Variants in RSPH6A observed in about 807,000 individuals in gnomAD.
RSPH6A encodes the protein radial spoke head 6 homolog A.
In RSPH6A, 49 loss-of-function variants were observed where a neutral mutation model predicts 66.1. The observed-to-expected ratio is 0.74, with a 90% CI of 0.59 to 0.94. RSPH6A has a LOEUF of 0.94. Among genes scored for constraint, RSPH6A ranks in the 40% least tolerant of loss-of-function variants. The probability of loss-of-function intolerance (pLI) is 0.00; values close to 1 mark genes in which losing one functional copy is unlikely to be tolerated. For synonymous variants in RSPH6A, 419 were observed against 402.4 expected (o/e 1.04, Z -0.49); for missense variants, 977 against 948.3 (o/e 1.03, Z -0.40).
chr19:45,811,119 G>A (rs1048732080), intron 1 of RSPH6A, among the ~76,000 whole-genome samples: 17 of 151,198 alleles, frequency 1.1e-4, no homozygotes, highest in Non-Finnish European at 1.9e-4. Flanking sequence ...TCAGCCTCCC[G>A]AGTAGCTGGG....
chr19:45,812,462 T>A (rs988980814), intron 1 of RSPH6A, among the ~76,000 whole-genome samples: 27 of 152,030 alleles, frequency 1.8e-4, no homozygotes, highest in African/African-American at 6.5e-4. Context: ...GCGGAAGCTG[T>A]TTTGTTGGCA....
intron 1 of RSPH6A, among the ~76,000 whole-genome samples, chr19:45,812,242 A>C (rs1230834140): frequency 6.6e-6 from 1 of 150,498 alleles, no homozygotes; most frequent in African/African-American, 2.4e-5. Flanking sequence ...ACGTGTGCCA[A>C]CATGCCTGGC....
rs1970694046 is a variant in RSPH6A, at chr19:45,815,265, A to C, written c.-89T>G. 5 of 1,369,072 alleles carry C rather than the reference A, an allele frequency of 3.7e-6. No individual in the cohort carries two copies. Among genetic ancestry groups the C allele is most frequent in the Non-Finnish European group, 4.8e-6 (5 of 1,034,048 alleles). The allele number at this position is 1,369,072 out of a possible 1,614,324, so 84.8% of individuals were successfully genotyped here. A position where few individuals can be genotyped will look rare whatever the true frequency, so the allele number is the denominator to read the frequency against. On this transcript the variant is annotated 5_prime_UTR_variant, in exon 1 of 6. Coordinates refer to ENST00000221538, the MANE Select transcript of RSPH6A (RefSeq NM_030785.4). ...CACCTGTCGACACCGCCGGTTTCTGAGCACCGAGAGAGGGGGCCGTTACCC... is the reference window on the plus strand; with the variant it reads ...CACCTGTCGACACCGCCGGTTTCTGCGCACCGAGAGAGGGGGCCGTTACCC...
At chr19:45,799,879 T>G (rs1187439335) in intron 5 of RSPH6A, among the ~76,000 whole-genome samples, 2 of 152,106 alleles carry the variant, frequency 1.3e-5, no homozygotes, top group Non-Finnish European at 2.9e-5. Context: ...AAATCTTGTC[T>G]CCACTAAAAA....
intron 2 of RSPH6A, among the ~76,000 whole-genome samples, chr19:45,806,716 G>A (rs111636667): frequency 3.1e-5 from 4 of 130,834 alleles, no homozygotes; most frequent in East Asian, 2.3e-4. Context: ...AAAGGAGGCC[G>A]GCCAAGTTTT....
chr19:45,814,770 G>T lies in RSPH6A; in HGVS notation c.407C>A (p.Pro136His). Residue 136 changes from proline (P) to histidine (H), a missense_variant, in exon 1 of 6, where the codon CCC becomes CAC. By Grantham distance (77) the Pro-to-His change is moderately conservative. Transcript: ENST00000221538. ...GTTGACTGGGGGCTCCTGGAAGGTG[G>T]GGTCCAGTTGCTGGAACAGGCTGCT... ...GQSSLFQQLDPTFQEPPVNPL... is the reference protein window; with the variant it reads ...GQSSLFQQLDHTFQEPPVNPL... 1 of 1,613,806 alleles carries T rather than the reference G, an allele frequency of 6.2e-7. No homozygotes were observed. The highest frequency in any genetic ancestry group is 8.5e-7 in the Non-Finnish European group (1 of 1,179,832).
At position 45,795,989 on chromosome 19, in the gene RSPH6A, C is replaced by T. The variant is rs974347290; in HGVS notation, c.2034G>A (p.Met678Ile). 6.2e-7 allele frequency: 1 copy of T among 1,613,802 alleles called. No individual in the cohort carries two copies. Among genetic ancestry groups the T allele is most frequent in the Middle Eastern group, 1.7e-4 (1 of 6,060 alleles). ...GCTCCTCTTCCACTGTGGGGTCACT[C>T]ATCTCCATGATCTCTGGGCCACTGG... Reference protein sequence around the residue: ...EYPSGPEIMEMSDPTVEEEQA... With the variant: ...EYPSGPEIMEISDPTVEEEQA... Residue 678 changes from methionine (M) to isoleucine (I), a missense_variant, in exon 6 of 6, where the codon ATG (methionine) becomes ATA (isoleucine). By Grantham distance (10) the Met-to-Ile change is conservative. Transcript: ENST00000221538.
rs775921437 is a variant in RSPH6A, at chr19:45,804,784, ACCT to A, written c.1118_1120del (p.Glu373del). 2 of 1,609,456 alleles carry A rather than the reference ACCT, an allele frequency of 1.2e-6. No individual in the cohort carries two copies. Among genetic ancestry groups the A allele is most frequent in the South Asian group, 1.1e-5 (1 of 90,830 alleles). On this transcript the variant is annotated inframe_deletion, in exon 3 of 6. Coordinates refer to ENST00000221538, the MANE Select transcript of RSPH6A (RefSeq NM_030785.4). The surrounding 1 kb of genome is among the most constrained non-coding windows in gnomAD (Gnocchi z 5.8). ...CTCGCCACCTTCCGTCATCTCCTCC[ACCT>A]CCTCCTCCTCTGCCTCCTCCTCGCC... is the stretch of plus-strand genomic sequence containing the variant.
At position 45,797,096 on chromosome 19, in the gene RSPH6A, G is replaced by A. The variant is rs1051995456; in HGVS notation, c.1917-990C>T. Reference sequence around the variant, plus strand: ...AATAAATCAAGAAATAAGTAACTAGGCTGGACGCAGTGGCTCACGCCTGCA... The same window carrying A: ...AATAAATCAAGAAATAAGTAACTAGACTGGACGCAGTGGCTCACGCCTGCA... On this transcript the variant is annotated intron_variant, in intron 5 of 5. Coordinates refer to ENST00000221538, the MANE Select transcript of RSPH6A (RefSeq NM_030785.4). Among the ~76,000 whole-genome samples, 4 of 150,938 alleles carry A rather than the reference G, an allele frequency of 2.7e-5. No individual in the cohort carries two copies. In the South Asian group the frequency reaches 6.3e-4, roughly 24 times the overall value.
chr19:45,795,952 C>G lies in RSPH6A; in HGVS notation c.2071G>C (p.Ala691Pro), dbSNP rs1396301427. 3 of 1,609,444 alleles carry G rather than the reference C, an allele frequency of 1.9e-6. No homozygotes were observed. The African/African-American group carries it at 4.1e-5, about 22-fold the overall frequency. ...PTVEEEQALK[A>P]AQEQALGATE... ...GCTCCCAGGGCTTGTTCCTGGGCTG[C>G]TTTCAGAGCCTGCTCCTCTTCCACT... The change falls in exon 6 of 6, where the codon GCA (alanine) becomes CCA (proline). Residue 691 changes from alanine to proline, a missense_variant. Transcript: ENST00000221538.
chr19:45,804,065 C>T lies in RSPH6A; in HGVS notation c.1653+187G>A, dbSNP rs1205600475. On this transcript the variant is annotated intron_variant, in intron 3 of 5. Transcript: ENST00000221538. The surrounding 1 kb of genome is among the most constrained non-coding windows in gnomAD (Gnocchi z 5.8). ...GAAAGAAAGAAAAGAAAAAAAAATG[C>T]CTCTGTCCCCAAAGGTTTCTGATGG... Among the ~76,000 whole-genome samples, 3 of 151,680 alleles carry T rather than the reference C, an allele frequency of 2.0e-5. No homozygotes were observed. The highest frequency in any genetic ancestry group is 7.3e-5 in the African/African-American group (3 of 41,300).
chr19:45,798,655 G>A (rs1230258895), intron 5 of RSPH6A, among the ~76,000 whole-genome samples: 1 of 151,616 alleles, frequency 6.6e-6, no homozygotes. Context: ...TGGCTAACAC[G>A]GTGAAACCCC....
chr19:45,801,630 A>G (rs1970475135), intron 4 of RSPH6A, among the ~76,000 whole-genome samples: 2 of 152,166 alleles, frequency 1.3e-5, no homozygotes, highest in South Asian at 4.1e-4. Context: ...GCGTGGTGGC[A>G]CACGCCTGCA....
intron 1 of RSPH6A, among the ~76,000 whole-genome samples, chr19:45,812,494 C>T (rs1970642881): frequency 6.6e-6 from 1 of 152,018 alleles, no homozygotes; most frequent in African/African-American, 2.4e-5. Flanking sequence ...GGTGTTGGGC[C>T]ATCATGGAAG....
intron 1 of RSPH6A, 147 bp from the exon 2 acceptor site, chr19:45,810,987 T>C: frequency 2.0e-6 from 1 of 507,400 alleles, no homozygotes; most frequent in Non-Finnish European, 3.4e-6. Context: ...GACATTTATT[T>C]ATTTATTTTT....
chr19:45,796,157 T>G, intron 5 of RSPH6A, 51 bp from the exon 6 acceptor site: 1 of 1,372,102 alleles, frequency 7.3e-7, no homozygotes, highest in Non-Finnish European at 9.8e-7. Context: ...GCCCCAGACT[T>G]GACTTTTTTT....
Position 45,804,442 on chromosome 19 carries a change from A to G in RSPH6A, c.1463T>C (p.Ile488Thr). The G allele has an allele frequency of 6.2e-7, 1 of 1,613,592 alleles. No homozygotes were observed. The highest frequency in any genetic ancestry group is 8.5e-7 in the Non-Finnish European group (1 of 1,179,898). Reference sequence around the variant, plus strand: ...CGGGCTGACCTGCGTGGCGGCCGAGATGCGGGCTATCTGGGCCCGCAGGTA... The same window carrying G: ...CGGGCTGACCTGCGTGGCGGCCGAGGTGCGGGCTATCTGGGCCCGCAGGTA... ...ANYLRAQIAR[I>T]SAATQVSPLG... Residue 488 changes from isoleucine (I) to threonine (T), a missense_variant, in exon 3 of 6, where the codon ATC (isoleucine) becomes ACC (threonine). Transcript: ENST00000221538. The surrounding 1 kb of genome is among the most constrained non-coding windows in gnomAD (Gnocchi z 5.8).
intron 5 of RSPH6A, 132 bp from the exon 6 acceptor site, chr19:45,796,238 C>T: frequency 1.6e-6 from 1 of 623,452 alleles, no homozygotes; most frequent in Non-Finnish European, 2.5e-6. Flanking sequence ...ACTGCAACCT[C>T]TGCCTCCCAG....
chr19:45,812,292 T>C (rs1164257140), intron 1 of RSPH6A, among the ~76,000 whole-genome samples: 2 of 151,874 alleles, frequency 1.3e-5, no homozygotes, highest in Non-Finnish European at 2.9e-5. Context: ...TTTTGCCATG[T>C]TGCCCAGGCT....
Sources: gnomAD v4.1 joint callset for allele counts (sites outside exome capture counted in the v4.1 genomes callset) on GRCh38, gnomAD v4.1.1 for gene constraint, Gnocchi (gnomAD v3.1) non-coding constraint, MANE v1.5 for transcripts, NCBI Gene and HGNC (gene_info 2026-07-23, HGNC 2026-07-21) for gene names.